MIOS: variants seen among roughly 807,000 people sequenced by gnomAD.
MIOS encodes the protein meiosis regulator for oocyte development, also known as GATOR2 complex protein MIOS.
MIOS carries 52 observed loss-of-function variants against 96.9 expected under a neutral mutation model. The ratio of observed to expected loss-of-function variants is 0.54; its 90% CI spans 0.43 to 0.68. The LOEUF (loss-of-function observed/expected upper bound fraction) is 0.68, where lower values mean the gene tolerates loss of function less well. Among genes scored for constraint, MIOS ranks in the 30% least tolerant of loss-of-function variants. MIOS has a pLI of 0.00. For synonymous variants in MIOS, 397 were observed against 359.5 expected (o/e 1.10, Z -1.18); for missense variants, 1,005 against 1,052.8 (o/e 0.95, Z 0.63).
intron 11 of MIOS, among the ~76,000 whole-genome samples, chr7:7,599,111 T>A: frequency 6.6e-6 from 1 of 152,162 alleles, no homozygotes; most frequent in Middle Eastern, 3.2e-3. Flanking sequence ...TGGTCTACAA[T>A]GCCTTATCTG....
intron 3 of MIOS, among the ~76,000 whole-genome samples, chr7:7,568,697 G>C (rs1018871382): frequency 2.0e-5 from 3 of 152,182 alleles, no homozygotes; most frequent in Admixed American, 6.5e-5. Context: ...CCTGCATATC[G>C]TGTAGCTGAT....
intron 7 of MIOS, among the ~76,000 whole-genome samples, chr7:7,587,170 C>T (rs71533375): frequency 8.0e-4 from 122 of 151,846 alleles, no homozygotes; most frequent in African/African-American, 2.5e-3. Flanking sequence ...ACCACCATGC[C>T]GGCTAATTTT....
At position 7,607,665 on chromosome 7, in the gene MIOS, T is replaced by C. The variant is rs1210500143; in HGVS notation, c.*573T>C. On this transcript the variant is annotated 3_prime_UTR_variant, in exon 13 of 13. Transcript: ENST00000340080. ...GTGTGTGTGTATATTTATGTGTGTA[T>C]GTATAAATATGTATTTTTTAAAGGA... 2 of 152,168 alleles carry C rather than the reference T, an allele frequency of 1.3e-5. No individual in the cohort carries two copies. Among genetic ancestry groups the C allele is most frequent in the Non-Finnish European group, 2.9e-5 (2 of 68,014 alleles). The allele number at this position is 152,168 out of a possible 1,614,324, so 9.4% of individuals were successfully genotyped here.
Position 7,606,045 on chromosome 7 carries a change from T to C in MIOS, c.2505T>C (p.His835=). 6.2e-7 allele frequency: 1 copy of C among 1,613,952 alleles called. No homozygotes were observed. Among genetic ancestry groups the C allele is most frequent in the Non-Finnish European group, 8.5e-7 (1 of 1,179,884 alleles). ...GTCATAATTGCAGGCACGGTGGACA[T>C]GCTGGACATATGCTTAGTTGGTTCA... ...TWCHNCRHGG[H]AGHMLSWFRD... The change falls in exon 12 of 13, where the codon CAT becomes CAC. Residue 835 remains histidine, a synonymous_variant. Transcript: ENST00000340080.
At chr7:7,571,291 C>T (rs150746023) in intron 3 of MIOS, among the ~76,000 whole-genome samples, 21 of 152,284 alleles carry the variant, frequency 1.4e-4, no homozygotes, top group African/African-American at 4.8e-4. Context: ...AGTTCGTGTG[C>T]TTCTACTGCT....
chr7:7,600,636 C>T (rs1784348533), intron 11 of MIOS, among the ~76,000 whole-genome samples: 1 of 152,184 alleles, frequency 6.6e-6, no homozygotes, highest in Admixed American at 6.5e-5. Flanking sequence ...TAACACCCCA[C>T]TGTCAACATT....
chr7:7,569,590 T>C (rs1262971475), intron 3 of MIOS, among the ~76,000 whole-genome samples: 1 of 152,242 alleles, frequency 6.6e-6, no homozygotes, highest in Non-Finnish European at 1.5e-5. Context: ...AACTTCCTAC[T>C]AAGTGCCTAG....
intron 6 of MIOS, 80 bp downstream of exon 6, chr7:7,583,452 A>G: frequency 2.9e-6 from 4 of 1,377,716 alleles, no homozygotes; most frequent in Non-Finnish European, 3.8e-6. Flanking sequence ...AAAGAGGCTA[A>G]TAATTTTCAA....
intron 7 of MIOS, among the ~76,000 whole-genome samples, chr7:7,588,000 CTGTT>C (rs1018261377): frequency 1.1e-4 from 16 of 152,152 alleles, no homozygotes; most frequent in African/African-American, 3.9e-4. Flanking sequence ...AAGAGTGTGT[CTGTT>C]TATGTTTTAA....
chr7:7,590,578 T>A (rs1033242300), intron 9 of MIOS, among the ~76,000 whole-genome samples: 1 of 152,238 alleles, frequency 6.6e-6, no homozygotes, highest in African/African-American at 2.4e-5. Context: ...TGGTCATGGT[T>A]AAGTCTACCA....
At chr7:7,599,751 T>C (rs934968479) in intron 11 of MIOS, among the ~76,000 whole-genome samples, 1 of 152,172 alleles carries the variant, frequency 6.6e-6, no homozygotes, top group Non-Finnish European at 1.5e-5. Flanking sequence ...TGAGCTAAGT[T>C]AGAGAATAAT....
chr7:7,585,589 A>G lies in MIOS; in HGVS notation c.1649-47A>G, dbSNP rs746115525. On this transcript the variant is annotated intron_variant, in intron 6 of 12. Coordinates refer to ENST00000340080, the MANE Select transcript of MIOS (RefSeq NM_019005.4). Reference sequence around the variant, plus strand: ...ATGGTTTAAGAAATGTAGAAGAGATATTAAGCTTTTGATCACTTTGATTAG... The same window carrying G: ...ATGGTTTAAGAAATGTAGAAGAGATGTTAAGCTTTTGATCACTTTGATTAG... 4.0e-6 allele frequency: 6 copies of G among 1,490,640 alleles called. No individual in the cohort carries two copies. In the Admixed American group the frequency reaches 6.6e-5, roughly 16 times the overall value. The allele number at this position is 1,490,640 out of a possible 1,614,324, so 92.3% of individuals were successfully genotyped here.
At position 7,607,320 on chromosome 7, in the gene MIOS, G is replaced by C. The variant is rs1563052017; in HGVS notation, c.*228G>C. 2.9e-6 allele frequency: 1 copy of C among 346,580 alleles called. No individual in the cohort carries two copies. The highest frequency in any genetic ancestry group is 4.8e-5 in the Admixed American group (1 of 20,770). The allele number at this position is 346,580 out of a possible 1,614,324, so 21.5% of individuals were successfully genotyped here. ...GTATAGACATGAGTTCTGTTCAGCA[G>C]GTTGAAAAGTCTGATTTAGAAAAAC... On this transcript the variant is annotated 3_prime_UTR_variant, in exon 13 of 13. Coordinates refer to ENST00000340080, the MANE Select transcript of MIOS (RefSeq NM_019005.4).
chr7:7,585,932 A>G, intron 7 of MIOS, 127 bp downstream of exon 7: 1 of 874,794 alleles, frequency 1.1e-6, no homozygotes. Flanking sequence ...ATTTAAAATA[A>G]GGCATCTTGG....
intron 5 of MIOS, among the ~76,000 whole-genome samples, chr7:7,575,917 A>AGACGGAGT (rs1163825084): frequency 6.7e-6 from 1 of 149,770 alleles, no homozygotes; most frequent in Non-Finnish European, 1.5e-5. Context: ...TTTTGTTTCT[A>AGACGGAGT]CTACCCAAAG....
chr7:7,572,874 A>G lies in MIOS; in HGVS notation c.399A>G (p.Leu133=), dbSNP rs758872595. 5 of 1,614,206 alleles carry G rather than the reference A, an allele frequency of 3.1e-6. No individual in the cohort carries two copies. Among genetic ancestry groups the G allele is most frequent in the Non-Finnish European group, 1.7e-6 (2 of 1,180,014 alleles). Residue 133 remains leucine, a synonymous_variant, in exon 4 of 13, where the codon TTA becomes TTG. Coordinates refer to ENST00000340080, the MANE Select transcript of MIOS (RefSeq NM_019005.4). This position sits in a 1 kb window ranked among gnomAD's most constrained non-coding sequence, Gnocchi z 4.8. ...ATAGTAACTGGCTAGCTGCTGGTTT[A>G]GATAAGCACAGAGCTGACTTTTCAG... The part of the protein sequence containing the change: ...PLDSNWLAAG[L]DKHRADFSVL...
chr7:7,606,913 CT>C, intron 12 of MIOS, 82 bp from the exon 13 acceptor site: 1 of 1,104,052 alleles, frequency 9.1e-7, no homozygotes, highest in South Asian at 1.3e-5. Context: ...TAGGGAGACC[CT>C]GTCTCTTAAA....
chr7:7,595,698 A>C (rs1325423183), intron 10 of MIOS, among the ~76,000 whole-genome samples: 4 of 152,176 alleles, frequency 2.6e-5, no homozygotes, highest in Non-Finnish European at 5.9e-5. Context: ...TTATGTTAAA[A>C]CCAGAGTGTT....
At chr7:7,576,169 T>C (rs1462882801) in intron 5 of MIOS, among the ~76,000 whole-genome samples, 1 of 152,192 alleles carries the variant, frequency 6.6e-6, no homozygotes, top group Non-Finnish European at 1.5e-5. Flanking sequence ...GCTTTTCCCA[T>C]GTTACTTTAA....
Sources: allele counts gnomAD v4.1 joint callset (sites outside exome capture counted in the v4.1 genomes callset), GRCh38; gene constraint gnomAD v4.1.1; non-coding constraint Gnocchi (gnomAD v3.1); transcripts MANE v1.5; gene names NCBI Gene and HGNC (gene_info 2026-07-23, HGNC 2026-07-21).